Variants in ASIC2 observed in about 807,000 individuals in gnomAD.
The protein encoded by ASIC2 is acid-sensing ion channel 2.
In ASIC2, 25 loss-of-function variants were observed where a neutral mutation model predicts 57.3. The ratio of observed to expected loss-of-function variants is 0.44; its 90% CI spans 0.32 to 0.61. The LOEUF (loss-of-function observed/expected upper bound fraction) is 0.61. Ranked by LOEUF, ASIC2 falls within the 20% of genes least tolerant of loss-of-function variation. ASIC2 has a pLI of 0.06. For missense variants in ASIC2, 641 were observed against 738.1 expected, an observed-to-expected ratio of 0.87 and a Z score of 1.52; for synonymous variants, 319 against 307.5, an observed-to-expected ratio of 1.04 and a Z score of -0.39.
At chr17:33,426,192 G>A (rs1911214671) in intron 1 of ASIC2, among the ~76,000 whole-genome samples, 1 of 152,170 alleles carries the variant, frequency 6.6e-6, no homozygotes, top group African/African-American at 2.4e-5. Flanking sequence ...CAGGAACACA[G>A]ATCATGGAAG....
chr17:33,447,824 A>T (rs545422704), intron 1 of ASIC2, among the ~76,000 whole-genome samples: 2 of 151,410 alleles, frequency 1.3e-5, no homozygotes, highest in African/African-American at 4.9e-5. Flanking sequence ...TCTATTTTAC[A>T]CTTCAAAATA....
chr17:33,166,827 G>T (rs1267675091), intron 1 of ASIC2, among the ~76,000 whole-genome samples: 1 of 152,218 alleles, frequency 6.6e-6, no homozygotes, highest in African/African-American at 2.4e-5. Flanking sequence ...ACTCATCAGA[G>T]AATGTCAAAT....
rs934414246 is a variant in ASIC2, at chr17:33,333,770, C to T, written c.556-221703G>A. Among the ~76,000 whole-genome samples the T allele has an allele frequency of 3.3e-5, 5 of 152,136 alleles. No individual in the cohort carries two copies. In the East Asian group the frequency reaches 9.6e-4, roughly 29 times the overall value. ...AATCATCTGCCTGTGCCTATAGGCT[C>T]CAAGGGGAGGAGAAAGGGAGAGGAA... On this transcript the variant is annotated intron_variant, in intron 1 of 9. Coordinates refer to the ASIC2 transcript ENST00000359872.
At chr17:33,878,491 G>A (rs925749154) in intron 1 of ASIC2, among the ~76,000 whole-genome samples, 1 of 152,168 alleles carries the variant, frequency 6.6e-6, no homozygotes, top group African/African-American at 2.4e-5. Flanking sequence ...TCGATCAACT[G>A]GAAGAAAGGA....
chr17:33,420,229 G>T (rs921343501), intron 1 of ASIC2, among the ~76,000 whole-genome samples: 5 of 152,220 alleles, frequency 3.3e-5, no homozygotes, highest in African/African-American at 1.2e-4. Flanking sequence ...TATTCTGTTA[G>T]CCCACTTTGG....
intron 1 of ASIC2, among the ~76,000 whole-genome samples, chr17:33,898,862 G>T (rs1915167533): frequency 6.6e-6 from 1 of 152,046 alleles, no homozygotes; most frequent in Non-Finnish European, 1.5e-5. Flanking sequence ...CATAGGCTTG[G>T]CAGGTTACAG....
chr17:33,932,741 A>AAAAAAATATATATATATAT (rs1555572867), intron 1 of ASIC2: 20 of 58,656 alleles, frequency 3.4e-4, no homozygotes, highest in East Asian at 8.4e-4. Context: ...AAAAAAAAAA[A>AAAAAAATATATATATATAT]ATATATATAT....
At chr17:33,663,150 G>A (rs1281654094) in intron 1 of ASIC2, among the ~76,000 whole-genome samples, 1 of 152,194 alleles carries the variant, frequency 6.6e-6, no homozygotes, top group South Asian at 2.1e-4. Flanking sequence ...AGCAAGGTAA[G>A]TATATTTCCC....
intron 1 of ASIC2, among the ~76,000 whole-genome samples, chr17:33,644,544 A>C (rs540627102): frequency 1.3e-5 from 2 of 152,366 alleles, no homozygotes; most frequent in Non-Finnish European, 2.9e-5. Context: ...AAGCCTTTGA[A>C]TAACTGAAGG....
At chr17:33,332,657 G>A (rs1907360711) in intron 1 of ASIC2, among the ~76,000 whole-genome samples, 1 of 152,188 alleles carries the variant, frequency 6.6e-6, no homozygotes, top group African/African-American at 2.4e-5. Flanking sequence ...TTGGGAGGCT[G>A]AGGCAGGTGG....
intron 1 of ASIC2, among the ~76,000 whole-genome samples, chr17:33,897,508 C>G (rs1214421773): frequency 6.6e-6 from 1 of 152,214 alleles, no homozygotes; most frequent in African/African-American, 2.4e-5. Flanking sequence ...TGAAATATAT[C>G]TTTATCCAGA....
At chr17:33,779,829 C>T (rs1911393123) in intron 1 of ASIC2, among the ~76,000 whole-genome samples, 1 of 152,094 alleles carries the variant, frequency 6.6e-6, no homozygotes, top group Non-Finnish European at 1.5e-5. Flanking sequence ...CTTCGCACAA[C>T]CCTATGTGGC....
At chr17:33,039,339 G>A (rs1246849978) in intron 3 of ASIC2, among the ~76,000 whole-genome samples, 1 of 152,130 alleles carries the variant, frequency 6.6e-6, no homozygotes, top group Non-Finnish European at 1.5e-5. Context: ...GCCTTGCCTG[G>A]CCTGGCCTCC....
At chr17:33,017,791 G>C in intron 7 of ASIC2, 107 bp from the exon 8 acceptor site, 2 of 1,026,156 alleles carry the variant, frequency 1.9e-6, no homozygotes, top group Non-Finnish European at 2.9e-6. Context: ...CCCTCCATGG[G>C]GAGCCTGGGC....
rs892250982 is a variant in ASIC2, at chr17:34,087,732, T to C, written c.555+68246A>G. Among the ~76,000 whole-genome samples, 56 of 151,694 alleles carry C rather than the reference T, an allele frequency of 3.7e-4. 1 individual carries two copies. Among genetic ancestry groups the C allele is most frequent in the Admixed American group, 3.3e-3 (51 of 15,266 alleles). On this transcript the variant is annotated intron_variant, in intron 1 of 9. Transcript: ENST00000359872. ...AGTCCCATATTTCTTGGAGGCTTTG[T>C]TCATTTCTTTTTATTCTTGTTTCTC...
intron 1 of ASIC2, among the ~76,000 whole-genome samples, chr17:33,732,362 A>G (rs1909767656): frequency 1.3e-5 from 2 of 152,214 alleles, no homozygotes; most frequent in Non-Finnish European, 2.9e-5. Context: ...ATGGTGATCA[A>G]AATAGTCAAA....
At chr17:33,181,500 G>A (rs1268378284) in intron 1 of ASIC2, among the ~76,000 whole-genome samples, 1 of 152,124 alleles carries the variant, frequency 6.6e-6, no homozygotes, top group Non-Finnish European at 1.5e-5. Context: ...CCCCACTCCT[G>A]AGGGATCTAG....
At chr17:33,577,429 G>A (rs1173847425) in intron 1 of ASIC2, among the ~76,000 whole-genome samples, 1 of 152,160 alleles carries the variant, frequency 6.6e-6, no homozygotes, top group African/African-American at 2.4e-5. Context: ...AGGGCAGCCT[G>A]ACATGGGATT....
intron 1 of ASIC2, among the ~76,000 whole-genome samples, chr17:34,099,798 G>GAAAAGAAAAGA (rs147299691): frequency 4.0e-5 from 4 of 99,134 alleles, no homozygotes; most frequent in African/African-American, 1.8e-4. Context: ...AAGAAAGAAA[G>GAAAAGAAAAGA]AAAGAAAAGA....
Sources: gnomAD v4.1 joint callset for allele counts (sites outside exome capture counted in the v4.1 genomes callset) on GRCh38, gnomAD v4.1.1 for gene constraint, MANE v1.5 for transcripts, NCBI Gene and HGNC (gene_info 2026-07-23, HGNC 2026-07-21) for gene names.